The following CTNNA3 variants were observed in gnomAD, a reference collection of about 807,000 sequenced individuals.
The protein encoded by CTNNA3 is catenin alpha 3.
In CTNNA3, 76 loss-of-function variants were observed where a neutral mutation model predicts 95.7. That is an observed-to-expected ratio of 0.79 (90% confidence interval 0.66 to 0.96). CTNNA3 has a LOEUF of 0.96. Among genes scored for constraint, CTNNA3 ranks in the 40% least tolerant of loss-of-function variants. CTNNA3 has a pLI of 0.00. For synonymous variants in CTNNA3, 431 were observed against 374.4 expected (o/e 1.15, Z -1.74); for missense variants, 1,191 against 1,089.8 (o/e 1.09, Z -1.31).
intron 11 of CTNNA3, among the ~76,000 whole-genome samples, chr10:66,474,858 T>G (rs1839267369): frequency 6.6e-6 from 1 of 152,066 alleles, no homozygotes. Context: ...GTGTTTCTTT[T>G]GGGAAAACTC....
At chr10:66,416,662 C>T (rs553195564) in intron 11 of CTNNA3, among the ~76,000 whole-genome samples, 1 of 151,646 alleles carries the variant, frequency 6.6e-6, no homozygotes, top group Non-Finnish European at 1.5e-5. Context: ...ATAATGTATT[C>T]AAAATGCTGA....
chr10:66,046,722 C>G (rs2079836694), intron 15 of CTNNA3, among the ~76,000 whole-genome samples: 1 of 151,578 alleles, frequency 6.6e-6, no homozygotes, highest in African/African-American at 2.4e-5. Flanking sequence ...GGCTATTATA[C>G]CTAGACAAAT....
rs1353839062 is a variant in CTNNA3, at chr10:66,684,190, CTTGTCACCACAGGGGAA to C, written c.1282-62423_1282-62407del. On this transcript the variant is annotated intron_variant, in intron 9 of 17. Transcript: ENST00000433211. ...TGTCAGGGATATTGGGGTTATCTGG[CTTGTCACCACAGGGGAA>C]GTGTGGTGCTACTGGCATCTAGAAA... 2.0e-5 allele frequency among the ~76,000 whole-genome samples: 3 copies of C among 152,054 alleles called. No homozygotes were observed. In the East Asian group the frequency reaches 5.8e-4, roughly 29 times the overall value.
intron 13 of CTNNA3, among the ~76,000 whole-genome samples, chr10:66,263,477 A>G (rs1441127304): frequency 6.6e-6 from 1 of 152,008 alleles, no homozygotes; most frequent in African/African-American, 2.4e-5. Flanking sequence ...TAAAGAGACC[A>G]CTTTACAGAA....
At chr10:66,766,168 G>A in intron 9 of CTNNA3, 96 bp downstream of exon 9, 3 of 1,280,444 alleles carry the variant, frequency 2.3e-6, no homozygotes, top group Non-Finnish European at 3.3e-6. Flanking sequence ...GTAACACGGT[G>A]TCAAAAGTTT....
At chr10:67,108,790 A>ATT (rs1655551528) in intron 7 of CTNNA3, among the ~76,000 whole-genome samples, 1 of 152,108 alleles carries the variant, frequency 6.6e-6, no homozygotes. Context: ...TGGGACTCTA[A>ATT]TAGTTTCTGA....
chr10:66,123,758 A>C (rs2082695131), intron 13 of CTNNA3, among the ~76,000 whole-genome samples: 1 of 152,178 alleles, frequency 6.6e-6, no homozygotes, highest in Non-Finnish European at 1.5e-5. Flanking sequence ...CATCATGTGG[A>C]AGCTGACAAG....
chr10:67,726,402 T>TAATATATATGAAATTATA (rs1564841090), intron 1 of CTNNA3, among the ~76,000 whole-genome samples: 18 of 43,782 alleles, frequency 4.1e-4, no homozygotes, highest in South Asian at 8.8e-4. Flanking sequence ...ATATTATATA[T>TAATATATATGAAATTATA]TATATCATAT....
At chr10:66,452,569 T>A (rs1333233708) in intron 11 of CTNNA3, among the ~76,000 whole-genome samples, 1 of 152,086 alleles carries the variant, frequency 6.6e-6, no homozygotes, top group Non-Finnish European at 1.5e-5. Context: ...AAACCCCTCA[T>A]TGCTTGGAGA....
At chr10:67,727,884 C>T (rs190409286) in intron 1 of CTNNA3, among the ~76,000 whole-genome samples, 1,490 of 103,628 alleles carry the variant, frequency 0.014, no homozygotes, top group African/African-American at 0.034. Flanking sequence ...GTATATATCA[C>T]ATATTATATT....
intron 13 of CTNNA3, among the ~76,000 whole-genome samples, chr10:66,249,219 A>G (rs931461243): frequency 3.3e-5 from 5 of 152,160 alleles, no homozygotes; most frequent in Admixed American, 2.0e-4. Flanking sequence ...GTGGGCAAAG[A>G]TTTCTTGAGT....
At chr10:67,566,039 G>GTATATATATATATA (rs1437054675) in intron 3 of CTNNA3, among the ~76,000 whole-genome samples, 5 of 19,882 alleles carry the variant, frequency 2.5e-4, no homozygotes, top group Admixed American at 6.5e-4. Context: ...ACATATGTGT[G>GTATATATATATATA]TGTGTATATA....
intron 7 of CTNNA3, among the ~76,000 whole-genome samples, chr10:67,123,309 G>C (rs1182243780): frequency 1.3e-5 from 2 of 152,070 alleles, no homozygotes; most frequent in Admixed American, 6.6e-5. Context: ...GTATCTGCTT[G>C]ATGTATGCTA....
intron 13 of CTNNA3, among the ~76,000 whole-genome samples, chr10:66,208,824 T>C (rs1048142129): frequency 3.0e-4 from 45 of 152,034 alleles, no homozygotes; most frequent in African/African-American, 1.0e-3. Flanking sequence ...TAAGTACCAC[T>C]GTTTTAATAA....
Position 67,577,655 on chromosome 10 carries a change from T to C in CTNNA3, c.292+29202A>G, listed in dbSNP as rs552607359. On this transcript the variant is annotated intron_variant, in intron 3 of 17. Transcript: ENST00000433211. ...TTGTATATATATGTATGTGTATATA[T>C]ATACACACATATGTGTGTGTGTGTA... 3.3e-5 allele frequency among the ~76,000 whole-genome samples: 5 copies of C among 151,470 alleles called. No individual in the cohort carries two copies. The South Asian group carries it at 1.0e-3, about 32-fold the overall frequency.
rs1182099079 is a variant in CTNNA3 at position 67,219,640 on chromosome 10, T to C, written c.810A>G (p.Ala270=). The part of the protein sequence containing the change: ...QNMTTPPEPQ[A]ATLGSALDEL... ...CATCAAGGGCACTTCCCAGGGTTGC[T>C]GCCTGAGGTTCTGGTGGGGTTGTCA... The change falls in exon 6 of 18, where the codon GCA becomes GCG. Residue 270 remains alanine, a synonymous_variant. Coordinates refer to ENST00000433211, the MANE Select transcript of CTNNA3 (RefSeq NM_013266.4). The C allele has an allele frequency of 6.2e-7, 1 of 1,614,090 alleles. No individual in the cohort carries two copies. The highest frequency in any genetic ancestry group is 8.5e-7 in the Non-Finnish European group (1 of 1,179,964).
At chr10:67,534,872 A>C (rs1397942302) in intron 4 of CTNNA3, among the ~76,000 whole-genome samples, 1 of 152,162 alleles carries the variant, frequency 6.6e-6, no homozygotes. Flanking sequence ...TTGATAGGAC[A>C]CAGAATGAGG....
At chr10:66,069,710 A>C (rs546972846) in intron 14 of CTNNA3, among the ~76,000 whole-genome samples, 45 of 152,328 alleles carry the variant, frequency 3.0e-4, no homozygotes, top group African/African-American at 1.0e-3. Flanking sequence ...CATTTAGAAT[A>C]ACACTGTAGA....
chr10:67,117,582 C>T (rs541997169), intron 7 of CTNNA3, among the ~76,000 whole-genome samples: 1 of 151,922 alleles, frequency 6.6e-6, no homozygotes, highest in South Asian at 2.1e-4. Flanking sequence ...TCAGAAAATA[C>T]CTGGGAGACA....
Sources: gnomAD v4.1 joint callset for allele counts (sites outside exome capture counted in the v4.1 genomes callset) on GRCh38, gnomAD v4.1.1 for gene constraint, MANE v1.5 for transcripts, NCBI Gene and HGNC (gene_info 2026-07-23, HGNC 2026-07-21) for gene names.